CROT: variants seen among roughly 807,000 people sequenced by gnomAD.
CROT encodes peroxisomal carnitine O-octanoyltransferase.
Under a neutral mutation model 89.2 loss-of-function variants are expected in CROT, and 84 were observed. That is an observed-to-expected ratio of 0.94 (90% CI 0.79 to 1.13). CROT has a LOEUF of 1.13. Ranked by LOEUF, CROT falls within the 50% of genes most tolerant of loss-of-function variation. The pLI is 0.00. For missense variants in CROT, 711 were observed against 727.8 expected (o/e 0.98, Z 0.27); for synonymous variants, 212 against 239.5 (o/e 0.89, Z 1.06).
intron 3 of CROT, among the ~76,000 whole-genome samples, chr7:87,352,540 T>C (rs991274012): frequency 6.6e-5 from 10 of 152,250 alleles, no homozygotes; most frequent in Admixed American, 2.0e-4. Flanking sequence ...ATTTTAATCT[T>C]GACTTGTAGC....
In CROT at chr7:87,361,521, A is replaced by G. The variant is rs747216846; in HGVS notation, c.372A>G (p.Arg124=). 3.1e-6 allele frequency: 5 copies of G among 1,611,656 alleles called. No homozygotes were observed. The highest frequency in any genetic ancestry group is 2.2e-5 in the East Asian group (1 of 44,850). The stretch of plus-strand genomic sequence containing the variant: ...CAAAGGAAGGGACTCAATTAGAAAG[A>G]GGAAGTATAACTCTTTGGCATAACT... ...WPPKEGTQLE[R]GSITLWHNLN... The change falls in exon 5 of 18, where the codon AGA becomes AGG. Residue 124 remains arginine (R), a synonymous_variant. Transcript: ENST00000331536.
intron 3 of CROT, chr7:87,357,470 C>T: frequency 3.9e-6 from 6 of 1,551,444 alleles, no homozygotes; most frequent in Non-Finnish European, 5.2e-6. Flanking sequence ...GGCTGAATCT[C>T]CTCAGCATGG....
At chr7:87,363,543 A>G (rs1165919930) in intron 6 of CROT, among the ~76,000 whole-genome samples, 1 of 152,194 alleles carries the variant, frequency 6.6e-6, no homozygotes, top group East Asian at 1.9e-4. Context: ...TTCAAAGGGC[A>G]GTATGGATGG....
Position 87,377,892 on chromosome 7 carries a change from T to C in CROT, c.978+442T>C, listed in dbSNP as rs147354177. Among the ~76,000 whole-genome samples the C allele has an allele frequency of 3.7e-3, 565 of 152,320 alleles. 3 individuals carry two copies. Among genetic ancestry groups the C allele is most frequent in the African/African-American group, 0.013 (536 of 41,566 alleles). On this transcript the variant is annotated intron_variant, in intron 10 of 17. Transcript: ENST00000331536. ...TTTGGAACACTATTTAGGCTGTGGA[T>C]ATTAAAATGGCAGTTACTACCATTT... is the stretch of plus-strand genomic sequence containing the variant.
At chr7:87,376,249 T>A (rs960038522) in intron 9 of CROT, among the ~76,000 whole-genome samples, 5 of 152,062 alleles carry the variant, frequency 3.3e-5, no homozygotes, top group African/African-American at 1.2e-4. Context: ...CTCAGAAAAT[T>A]TACACAGAGC....
intron 13 of CROT, among the ~76,000 whole-genome samples, chr7:87,386,052 T>G (rs983598716): frequency 6.6e-6 from 1 of 152,212 alleles, no homozygotes; most frequent in Non-Finnish European, 1.5e-5. Context: ...TAATGTGCTG[T>G]TGAGTTCAGT....
chr7:87,390,028 T>C (rs1045532356), intron 13 of CROT, among the ~76,000 whole-genome samples: 1 of 152,326 alleles, frequency 6.6e-6, no homozygotes, highest in Admixed American at 6.5e-5. Context: ...TCTTATTGTA[T>C]TTGATTTGAT....
chr7:87,351,311 A>C (rs1343335291), intron 3 of CROT, among the ~76,000 whole-genome samples: 1 of 128,912 alleles, frequency 7.8e-6, no homozygotes, highest in Non-Finnish European at 1.6e-5. Context: ...TCCATCTCAA[A>C]AAAAAAAAAA....
rs59190666 is a variant in CROT, at chr7:87,375,971, CT to C, written c.876+29del. The C allele has an allele frequency of 2.4e-3, 3,142 of 1,288,944 alleles. No individual in the cohort carries two copies. The highest frequency in any genetic ancestry group is 5.4e-3 in the South Asian group (337 of 62,454). 79.8% of individuals were successfully genotyped at this position (1,288,944 alleles called of 1,614,324 possible). A position where few individuals can be genotyped will look rare whatever the true frequency, so the allele number is the denominator to read the frequency against. On this transcript the variant is annotated intron_variant, in intron 9 of 17. Coordinates refer to ENST00000331536, the MANE Select transcript of CROT (RefSeq NM_021151.4). ...ATTCTGAGGTACTTAACTACCTTCT[CT>C]TTTTTTTTTTATTGCAGATTTTTCT...
At chr7:87,377,298 T>A (rs1409029896) in intron 9 of CROT, 51 bp from the exon 10 acceptor site, 1 of 1,156,718 alleles carries the variant, frequency 8.6e-7, no homozygotes, top group South Asian at 1.4e-5. Flanking sequence ...TGTAAATTCT[T>A]ACAAACCAAT....
At chr7:87,360,048 T>A in intron 4 of CROT, 1 of 980,382 alleles carries the variant, frequency 1.0e-6, no homozygotes, top group African/African-American at 1.7e-5. Context: ...AATTTCACAC[T>A]TCCGGATTCC....
intron 7 of CROT, among the ~76,000 whole-genome samples, chr7:87,370,446 G>C (rs2115892456): frequency 6.6e-6 from 1 of 152,304 alleles, no homozygotes; most frequent in East Asian, 1.9e-4. Context: ...GCCTCCCAAA[G>C]TGCTGGGATT....
intron 9 of CROT, among the ~76,000 whole-genome samples, chr7:87,376,242 A>G (rs1806808310): frequency 6.6e-6 from 1 of 152,126 alleles, no homozygotes; most frequent in African/African-American, 2.4e-5. Context: ...TTGCCTACTC[A>G]GAAAATTTAC....
intron 10 of CROT, 97 bp downstream of exon 10, chr7:87,377,547 T>C: frequency 1.5e-6 from 1 of 686,668 alleles, no homozygotes; most frequent in Non-Finnish European, 2.5e-6. Flanking sequence ...TGTAAGTGAA[T>C]AGTAATTTAG....
intron 7 of CROT, among the ~76,000 whole-genome samples, chr7:87,372,933 G>A (rs191823663): frequency 1.5e-4 from 23 of 152,148 alleles, no homozygotes; most frequent in East Asian, 5.8e-4. Context: ...TAATGCTGCC[G>A]TGACTATTGT....
Position 87,359,294 on chromosome 7 carries a change from G to A in CROT, c.204G>A (p.Gln68=). Residue 68 remains glutamine (Q), a synonymous_variant, in exon 4 of 18, where the codon CAG becomes CAA. Transcript: ENST00000331536. The part of the protein sequence containing the change: ...FQSGIGEKLH[Q]KLLERAKGKR... ...GTGGGATTGGAGAAAAATTGCACCA[G>A]AAATTGCTTGAAAGAGCAAAAGGAA... The A allele has an allele frequency of 1.2e-6, 2 of 1,601,646 alleles. No individual in the cohort carries two copies. The highest frequency in any genetic ancestry group is 3.3e-4 in the Middle Eastern group (2 of 6,038).
chr7:87,375,505 C>T (rs1376411116), intron 7 of CROT, 127 bp from the exon 8 acceptor site: 6 of 606,144 alleles, frequency 9.9e-6, no homozygotes, highest in African/African-American at 1.8e-5. Context: ...CTATTGGCAT[C>T]ATAAGTGGTT....
At chr7:87,374,420 T>C (rs1030594730) in intron 7 of CROT, among the ~76,000 whole-genome samples, 6 of 152,078 alleles carry the variant, frequency 3.9e-5, no homozygotes, top group African/African-American at 1.2e-4. Context: ...AAAAGTTTCA[T>C]AGTCAAAACT....
chr7:87,352,881 A>G (rs1208062710), intron 3 of CROT, among the ~76,000 whole-genome samples: 2 of 152,228 alleles, frequency 1.3e-5, no homozygotes, highest in Admixed American at 6.5e-5. Flanking sequence ...ATGAATCTTA[A>G]TGTTTTGAAT....
Sources: gnomAD v4.1 joint callset for allele counts (sites outside exome capture counted in the v4.1 genomes callset) on GRCh38, gnomAD v4.1.1 for gene constraint, MANE v1.5 for transcripts, NCBI Gene and HGNC (gene_info 2026-07-23, HGNC 2026-07-21) for gene names.